The following PCDH9 variants were observed in gnomAD, a reference collection of about 807,000 sequenced individuals.
PCDH9 encodes protocadherin-9.
PCDH9 carries 24 observed loss-of-function variants against 70.6 expected under a neutral mutation model. The ratio of observed to expected loss-of-function variants is 0.34; its 90% CI spans 0.25 to 0.48. The LOEUF (loss-of-function observed/expected upper bound fraction) is 0.48. Among genes scored for constraint, PCDH9 ranks in the 20% least tolerant of loss-of-function variants. The probability of loss-of-function intolerance (pLI) is 0.99; values close to 1 mark genes in which losing one functional copy is unlikely to be tolerated. For synonymous variants in PCDH9, 562 were observed against 558.5 expected (o/e 1.01, Z -0.09); for missense variants, 1,281 against 1,503.6 (o/e 0.85, Z 2.45).
intron 2 of PCDH9, among the ~76,000 whole-genome samples, chr13:67,161,811 T>A (rs1214979075): frequency 6.6e-6 from 1 of 152,198 alleles, no homozygotes; most frequent in Non-Finnish European, 1.5e-5. Flanking sequence ...ATATCTGTAA[T>A]CTGTGCCTCT....
At chr13:66,993,167 A>G (rs1403397139) in intron 2 of PCDH9, among the ~76,000 whole-genome samples, 1 of 152,180 alleles carries the variant, frequency 6.6e-6, no homozygotes, top group South Asian at 2.1e-4. Flanking sequence ...CCCACTAAAA[A>G]TACTTAGTTT....
intron 3 of PCDH9, among the ~76,000 whole-genome samples, chr13:66,703,306 T>C (rs1267488094): frequency 1.3e-5 from 2 of 152,232 alleles, no homozygotes; most frequent in Non-Finnish European, 2.9e-5. Context: ...CACTAGCTCA[T>C]ACAAGCAATA....
intron 3 of PCDH9, among the ~76,000 whole-genome samples, chr13:66,779,555 G>T (rs1453860442): frequency 1.3e-5 from 2 of 152,108 alleles, no homozygotes; most frequent in South Asian, 2.1e-4. Context: ...GGGCGCGGTG[G>T]CTCAGGCCTG....
chr13:66,333,044 C>T (rs1312066932), intron 4 of PCDH9, among the ~76,000 whole-genome samples: 1 of 151,956 alleles, frequency 6.6e-6, no homozygotes, highest in Non-Finnish European at 1.5e-5. Context: ...GTGGCATTTA[C>T]AACTGCAAAG....
intron 4 of PCDH9, among the ~76,000 whole-genome samples, chr13:66,355,248 T>C (rs1476336627): frequency 6.6e-6 from 1 of 152,082 alleles, no homozygotes; most frequent in Admixed American, 6.6e-5. Flanking sequence ...GATTCTGTAT[T>C]TGCAAATTTG....
chr13:66,712,601 G>A (rs1276848312), intron 3 of PCDH9, among the ~76,000 whole-genome samples: 2 of 152,074 alleles, frequency 1.3e-5, no homozygotes, highest in Non-Finnish European at 2.9e-5. Flanking sequence ...GCAATGCCAA[G>A]CTTCAAAGAA....
At chr13:66,758,674 T>C (rs2079574406) in intron 3 of PCDH9, among the ~76,000 whole-genome samples, 1 of 152,034 alleles carries the variant, frequency 6.6e-6, no homozygotes, top group Non-Finnish European at 1.5e-5. Context: ...CTTCTATATA[T>C]GAAAGCGTTT....
chr13:66,677,022 C>T (rs1032450095), intron 3 of PCDH9, among the ~76,000 whole-genome samples: 9 of 151,706 alleles, frequency 5.9e-5, no homozygotes, highest in African/African-American at 1.7e-4. Flanking sequence ...TAGATCACAC[C>T]GAAGAAGATA....
chr13:66,741,959 C>A (rs1453091245), intron 3 of PCDH9, among the ~76,000 whole-genome samples: 1 of 149,930 alleles, frequency 6.7e-6, no homozygotes, highest in African/African-American at 2.5e-5. Flanking sequence ...ATCAAGCTAC[C>A]AATGACTGTC....
rs531344265 is a variant in PCDH9 at position 66,648,347 on chromosome 13, C to A, written c.3139-16936G>T. On this transcript the variant is annotated intron_variant, in intron 3 of 4. Coordinates refer to ENST00000377865, the MANE Select transcript of PCDH9 (RefSeq NM_203487.3). ...GAGTCACCCCTCCTCCAGCACCAGG[C>A]AGCTCAGCACAAAGAGAGAGACTCC... Among the ~76,000 whole-genome samples the A allele has an allele frequency of 3.3e-5, 5 of 152,288 alleles. 1 individual carries two copies. The South Asian group carries it at 1.0e-3, about 32-fold the overall frequency.
At chr13:66,457,264 A>T (rs1262815027) in intron 4 of PCDH9, among the ~76,000 whole-genome samples, 1 of 152,220 alleles carries the variant, frequency 6.6e-6, no homozygotes, top group African/African-American at 2.4e-5. Context: ...TCCTAAAATA[A>T]AACAGCTTAT....
intron 4 of PCDH9, among the ~76,000 whole-genome samples, chr13:66,375,160 G>A (rs901610352): frequency 6.6e-6 from 1 of 152,070 alleles, no homozygotes; most frequent in African/African-American, 2.4e-5. Context: ...GCCAGTCATC[G>A]ACAGATGAAG....
intron 4 of PCDH9, among the ~76,000 whole-genome samples, chr13:66,429,899 T>C (rs1957740755): frequency 6.6e-6 from 1 of 152,024 alleles, no homozygotes; most frequent in Admixed American, 6.6e-5. Context: ...TGAAGTGGAA[T>C]GCAAATGCCA....
At chr13:67,129,041 T>G (rs2087045460) in intron 2 of PCDH9, among the ~76,000 whole-genome samples, 1 of 152,200 alleles carries the variant, frequency 6.6e-6, no homozygotes, top group Non-Finnish European at 1.5e-5. Flanking sequence ...TTTTTTTTAC[T>G]TAACACCACC....
At chr13:66,492,367 T>C (rs1959048326) in intron 4 of PCDH9, among the ~76,000 whole-genome samples, 2 of 150,920 alleles carry the variant, frequency 1.3e-5, no homozygotes, top group African/African-American at 4.8e-5. Context: ...GCTTTCTGAA[T>C]GTTGGTCATT....
chr13:66,963,515 A>G (rs974008004), intron 2 of PCDH9, among the ~76,000 whole-genome samples: 2 of 152,190 alleles, frequency 1.3e-5, no homozygotes, highest in African/African-American at 4.8e-5. Context: ...TTTTAAAATC[A>G]CTACTTTGAT....
chr13:66,646,538 C>G (rs2138978467), intron 3 of PCDH9, among the ~76,000 whole-genome samples: 1 of 152,114 alleles, frequency 6.6e-6, no homozygotes. Context: ...CTATTTTTTC[C>G]TTAATGACAG....
At chr13:66,401,352 T>G (rs1024347922) in intron 4 of PCDH9, among the ~76,000 whole-genome samples, 2 of 49,174 alleles carry the variant, frequency 4.1e-5, no homozygotes, top group African/African-American at 1.0e-4. Context: ...GTTTTATGAG[T>G]TTTTTTTTCC....
At chr13:66,506,608 G>C (rs1322590415) in intron 4 of PCDH9, among the ~76,000 whole-genome samples, 1 of 152,156 alleles carries the variant, frequency 6.6e-6, no homozygotes, top group Non-Finnish European at 1.5e-5. Context: ...CAGTGAGCAG[G>C]TTACAGGTCA....
Sources: allele counts gnomAD v4.1 joint callset (sites outside exome capture counted in the v4.1 genomes callset), GRCh38; gene constraint gnomAD v4.1.1; transcripts MANE v1.5; gene names NCBI Gene and HGNC (gene_info 2026-07-23, HGNC 2026-07-21).